The following ICE2 variants were observed in gnomAD, a reference collection of about 807,000 sequenced individuals.
ICE2 encodes the protein little elongation complex subunit 2.
ICE2 carries 87 observed loss-of-function variants against 105.4 expected under a neutral mutation model. That is an observed-to-expected ratio of 0.83 (90% CI 0.69 to 0.99). ICE2 has a LOEUF of 0.99. ICE2 is among the 50% of genes least tolerant of loss of function. The pLI, the probability that ICE2 is intolerant of heterozygous loss-of-function variation, is 0.00. For missense variants in ICE2, 1,323 were observed against 1,146.7 expected, an observed-to-expected ratio of 1.15 and a Z score of -2.22; for synonymous variants, 399 against 392.0, an observed-to-expected ratio of 1.02 and a Z score of -0.21.
At chr15:60,457,207 A>C (rs1208391820) in intron 5 of ICE2, among the ~76,000 whole-genome samples, 2 of 151,956 alleles carry the variant, frequency 1.3e-5, no homozygotes, top group African/African-American at 4.8e-5. Flanking sequence ...TCTAATCTAT[A>C]ATCTAAAAAA....
At chr15:60,454,867 C>A in intron 8 of ICE2, 136 bp downstream of exon 8, 1 of 714,166 alleles carries the variant, frequency 1.4e-6, no homozygotes, top group Admixed American at 3.4e-5. Context: ...CCCCCCACCC[C>A]CTGACAGGCC....
In ICE2 at chr15:60,442,549, CA is replaced by C; in HGVS notation, c.2296-5del. 1.3e-6 allele frequency: 2 copies of C among 1,560,018 alleles called. No homozygotes were observed. The highest frequency in any genetic ancestry group is 1.7e-6 in the Non-Finnish European group (2 of 1,161,264). On this transcript the variant is annotated splice_region_variant and splice_polypyrimidine_tract_variant and intron_variant, in intron 11 of 15. Transcript: ENST00000261520. ...GTAGTACATAAACTGGAAATTGCTG[CA>C]ATGCAAAATTATACTTTTTCAAAGC...
chr15:60,454,888 T>C lies in ICE2; in HGVS notation c.943+115A>G, dbSNP rs569496712. The C allele has an allele frequency of 1.2e-4, 107 of 919,632 alleles. No homozygotes were observed. The African/African-American group carries it at 1.3e-3, about 11-fold the overall frequency. 57.0% of individuals were successfully genotyped at this position (919,632 alleles called of 1,614,324 possible). On this transcript the variant is annotated intron_variant, in intron 8 of 15. Coordinates refer to ENST00000261520, the MANE Select transcript of ICE2 (RefSeq NM_024611.6). ...ACCCCCTGACAGGCCCCGGTGTGTG[T>C]TGTTTCACTCTCTGGGTCCATGTGT...
intron 3 of ICE2, among the ~76,000 whole-genome samples, chr15:60,474,188 G>A (rs752432451): frequency 3.9e-5 from 6 of 152,052 alleles, no homozygotes; most frequent in Non-Finnish European, 5.9e-5. Context: ...GTGAGCCACT[G>A]AGCCTGGACT....
intron 5 of ICE2, 64 bp downstream of exon 5, chr15:60,466,530 T>A: frequency 6.4e-7 from 1 of 1,574,506 alleles, no homozygotes. Flanking sequence ...AATCATCACA[T>A]ATTTCAGAAT....
chr15:60,433,779 C>A (rs2063516951), intron 13 of ICE2, among the ~76,000 whole-genome samples: 1 of 147,882 alleles, frequency 6.8e-6, no homozygotes, highest in Non-Finnish European at 1.5e-5. Context: ...GCATGAGCCA[C>A]TGAGCCTGAC....
At chr15:60,449,971 A>G (rs1345724222) in intron 9 of ICE2, 130 bp from the exon 10 acceptor site, 4 of 694,772 alleles carry the variant, frequency 5.8e-6, no homozygotes, top group Non-Finnish European at 7.2e-6. Flanking sequence ...ATGGTTGTAA[A>G]AGGTTCTTGT....
chr15:60,452,441 C>G (rs2141075610), intron 9 of ICE2: 1 of 199,606 alleles, frequency 5.0e-6, no homozygotes, highest in Admixed American at 6.5e-5. Context: ...TCTCTATTTC[C>G]CCTTAACGTA....
chr15:60,450,097 A>G (rs2063928057), intron 9 of ICE2, among the ~76,000 whole-genome samples: 1 of 152,222 alleles, frequency 6.6e-6, no homozygotes, highest in African/African-American at 2.4e-5. Flanking sequence ...AATATTTACA[A>G]ACTACCACAT....
intron 12 of ICE2, chr15:60,442,089 G>A (rs988585652): frequency 2.2e-5 from 4 of 184,722 alleles, no homozygotes; most frequent in Admixed American, 6.3e-5. Context: ...GAGGCTAGAA[G>A]TTCAAGACCA....
chr15:60,456,799 GA>G lies in ICE2; in HGVS notation c.529-6del. On this transcript the variant is annotated splice_polypyrimidine_tract_variant and splice_region_variant and intron_variant, in intron 5 of 15. Transcript: ENST00000261520. ...AATGCAAGCTCTTAAAATTTTCTGAGAAACAGAAATTAAGAAAAATTCATTT... is the reference window on the plus strand; with the variant it reads ...AATGCAAGCTCTTAAAATTTTCTGAGAACAGAAATTAAGAAAAATTCATTT... 2 of 1,453,992 alleles carry G rather than the reference GA, an allele frequency of 1.4e-6. No homozygotes were observed. The highest frequency in any genetic ancestry group is 1.8e-6 in the Non-Finnish European group (2 of 1,093,316). The allele number at this position is 1,453,992 out of a possible 1,614,324, so 90.1% of individuals were successfully genotyped here. A position where few individuals can be genotyped will look rare whatever the true frequency, so the allele number is the denominator to read the frequency against.
At chr15:60,475,031 G>A (rs1421882234) in intron 3 of ICE2, among the ~76,000 whole-genome samples, 3 of 152,110 alleles carry the variant, frequency 2.0e-5, no homozygotes, top group Non-Finnish European at 2.9e-5. Context: ...GGAGTAAGAG[G>A]GGACAACGGA....
At chr15:60,427,907 C>T (rs2063372436) in intron 15 of ICE2, among the ~76,000 whole-genome samples, 1 of 152,158 alleles carries the variant, frequency 6.6e-6, no homozygotes, top group African/African-American at 2.4e-5. Context: ...TACTGAGTTA[C>T]ATAATACCTA....
rs531841284 is a variant in ICE2 at position 60,447,014 on chromosome 15, CA to C, written c.2295+955del. 3.7e-3 allele frequency among the ~76,000 whole-genome samples: 556 copies of C among 151,672 alleles called. 7 individuals carry two copies. The highest frequency in any genetic ancestry group is 6.8e-3 in the Middle Eastern group (2 of 294). The stretch of plus-strand genomic sequence containing the variant: ...TACCAGAACTCAGTAGTCATACACA[CA>C]AAAAAATGCAAACTAATCTGAAAGA... On this transcript the variant is annotated intron_variant, in intron 11 of 15. Coordinates refer to ENST00000261520, the MANE Select transcript of ICE2 (RefSeq NM_024611.6).
intron 5 of ICE2, among the ~76,000 whole-genome samples, chr15:60,458,326 T>C (rs1202965424): frequency 1.3e-5 from 2 of 152,124 alleles, no homozygotes; most frequent in Non-Finnish European, 2.9e-5. Context: ...ACTCAAAATA[T>C]CTTGAGAATT....
chr15:60,466,085 C>T (rs1467124593), intron 5 of ICE2, among the ~76,000 whole-genome samples: 1 of 152,036 alleles, frequency 6.6e-6, no homozygotes, highest in East Asian at 1.9e-4. Flanking sequence ...TTCTGGTAGG[C>T]TCAATGAATG....
At chr15:60,455,861 G>A (rs1270080172) in intron 6 of ICE2, among the ~76,000 whole-genome samples, 2 of 151,882 alleles carry the variant, frequency 1.3e-5, no homozygotes, top group Admixed American at 1.3e-4. Context: ...CAAGTGATCC[G>A]CCTGCCTCGG....
intron 15 of ICE2, among the ~76,000 whole-genome samples, chr15:60,426,883 A>C (rs528858745): frequency 6.6e-6 from 1 of 152,338 alleles, no homozygotes; most frequent in African/African-American, 2.4e-5. Context: ...ATAGTTCTTC[A>C]ATTATTTTTG....
chr15:60,476,964 T>G (rs1412817879), intron 2 of ICE2, among the ~76,000 whole-genome samples: 2 of 152,200 alleles, frequency 1.3e-5, no homozygotes, highest in Non-Finnish European at 2.9e-5. Context: ...AATGCATACT[T>G]TATAGCACTG....
Sources: gnomAD v4.1 joint callset for allele counts (sites outside exome capture counted in the v4.1 genomes callset) on GRCh38, gnomAD v4.1.1 for gene constraint, MANE v1.5 for transcripts, NCBI Gene and HGNC (gene_info 2026-07-23, HGNC 2026-07-21) for gene names.